The following DNAAF9 variants were observed in gnomAD, a reference collection of about 807,000 sequenced individuals.
DNAAF9 encodes the protein shulin.
DNAAF9 carries 90 observed loss-of-function variants against 167.0 expected under a neutral mutation model. The observed-to-expected ratio is 0.54, with a 90% CI of 0.45 to 0.64. The LOEUF (loss-of-function observed/expected upper bound fraction) is 0.64, where lower values mean the gene tolerates loss of function less well. DNAAF9 is among the 30% of genes least tolerant of loss of function. The pLI, the probability that DNAAF9 is intolerant of heterozygous loss-of-function variation, is 0.00. For missense variants in DNAAF9, 1,315 were observed against 1,442.2 expected (o/e 0.91, Z 1.43); for synonymous variants, 491 against 508.8 (o/e 0.96, Z 0.47).
In DNAAF9 at chr20:3,315,761, A is replaced by G; in HGVS notation, c.1564T>C (p.Ser522Pro). The change falls in exon 19 of 37, where the codon TCT (serine) becomes CCT (proline). Residue 522 changes from serine (S) to proline (P), a missense_variant. Physicochemically the swap from Ser to Pro is moderately conservative, Grantham distance 74 (BLOSUM62 -1). Around this residue, in one of 2 missense-constraint regions of DNAAF9, gnomAD observed 981 missense variants for 1,012.5 expected, o/e 0.97. Transcript: ENST00000252032. This position sits in a 1 kb window ranked among gnomAD's most constrained non-coding sequence, Gnocchi z 4.1. ...WLVEDNEVKL[S>P]EKTQQAVRGD... The stretch of plus-strand genomic sequence containing the variant: ...CTCACTGCTTGCTGGGTTTTCTCAG[A>G]CAATTTTACTTCATTATCTTCCACC... 2 of 1,613,910 alleles carry G rather than the reference A, an allele frequency of 1.2e-6. No individual in the cohort carries two copies. Among genetic ancestry groups the G allele is most frequent in the East Asian group, 2.2e-5 (1 of 44,890 alleles).
chr20:3,389,171 G>A (rs1020572794), intron 1 of DNAAF9, among the ~76,000 whole-genome samples: 3 of 151,844 alleles, frequency 2.0e-5, no homozygotes, highest in Non-Finnish European at 2.9e-5. Context: ...AGGTTTCACA[G>A]GTCTCACTCT....
intron 9 of DNAAF9, 70 bp from the exon 10 acceptor site, chr20:3,340,709 A>G (rs750863987): frequency 9.6e-6 from 14 of 1,452,560 alleles, no homozygotes; most frequent in Middle Eastern, 1.7e-4. Flanking sequence ...CATGACCTTA[A>G]TAAGTCCTCA....
intron 20 of DNAAF9, among the ~76,000 whole-genome samples, chr20:3,307,739 C>CA: frequency 6.6e-6 from 1 of 152,002 alleles, no homozygotes; most frequent in Non-Finnish European, 1.5e-5. Flanking sequence ...CCCTGGAAGT[C>CA]CAACAAAAGA....
intron 31 of DNAAF9, among the ~76,000 whole-genome samples, chr20:3,263,131 C>A (rs1568564259): frequency 6.6e-6 from 1 of 152,082 alleles, no homozygotes; most frequent in African/African-American, 2.4e-5. Flanking sequence ...TCCACCACCA[C>A]ACCTGGCTAA....
intron 22 of DNAAF9, 136 bp downstream of exon 22, chr20:3,297,893 T>G (rs1260977063): frequency 7.2e-6 from 5 of 697,296 alleles, no homozygotes; most frequent in Non-Finnish European, 1.3e-5. Context: ...TTAGAAGCAG[T>G]CACCCCACAC....
intron 31 of DNAAF9, among the ~76,000 whole-genome samples, chr20:3,261,655 C>T (rs1030642069): frequency 2.6e-5 from 4 of 151,862 alleles, no homozygotes; most frequent in Non-Finnish European, 4.4e-5. Flanking sequence ...TGTGAGCCAC[C>T]GCACCTGCCC....
At chr20:3,381,740 G>A (rs2083657192) in intron 2 of DNAAF9, among the ~76,000 whole-genome samples, 1 of 151,712 alleles carries the variant, frequency 6.6e-6, no homozygotes, top group Admixed American at 6.5e-5. Context: ...TATGGAGCCT[G>A]TTAATTTCTG....
At chr20:3,366,536 G>C (rs911869133) in intron 6 of DNAAF9, among the ~76,000 whole-genome samples, 2 of 152,162 alleles carry the variant, frequency 1.3e-5, no homozygotes, top group African/African-American at 4.8e-5. Context: ...TGGTAAATGA[G>C]CACTGGCTTC....
Position 3,304,535 on chromosome 20 carries a change from G to A in DNAAF9, c.1687C>T (p.His563Tyr), listed in dbSNP as rs756005594. 4.8e-6 allele frequency: 7 copies of A among 1,453,308 alleles called. No individual in the cohort carries two copies. The highest frequency in any genetic ancestry group is 1.4e-5 in the African/African-American group (1 of 71,594). 90.0% of individuals were successfully genotyped at this position (1,453,308 alleles called of 1,614,324 possible). Residue 563 changes from histidine to tyrosine, a missense_variant, in exon 21 of 37, where the codon CAT becomes TAT. By Grantham distance (83) the His-to-Tyr change is moderately conservative. Transcript: ENST00000252032. ...LQSWPEEGNV[H>Y]FFSSGLLFSH... ...AACAGAAGGCCACTAGAGAAGAAAT[G>A]AACATTCCCTGGAAGGAAAAGAGAG...
At chr20:3,305,139 C>G (rs1201089487) in intron 20 of DNAAF9, among the ~76,000 whole-genome samples, 1 of 152,180 alleles carries the variant, frequency 6.6e-6, no homozygotes, top group East Asian at 1.9e-4. Flanking sequence ...TTCCTCGGAA[C>G]AAGGATTCAG....
Position 3,307,926 on chromosome 20 carries a change from T to C in DNAAF9, c.1679-3383A>G, listed in dbSNP as rs1255703497. Reference sequence around the variant, plus strand: ...TGATGCAATGGCTAGATGATTTTCATCCTGTGTCTATAAATGTGTGTGAAA... The same window carrying C: ...TGATGCAATGGCTAGATGATTTTCACCCTGTGTCTATAAATGTGTGTGAAA... On this transcript the variant is annotated intron_variant, in intron 20 of 36. Coordinates refer to ENST00000252032, the MANE Select transcript of DNAAF9 (RefSeq NM_001009984.3). 6.8e-5 allele frequency among the ~76,000 whole-genome samples: 10 copies of C among 146,164 alleles called. No homozygotes were observed. In the Admixed American group the frequency reaches 7.0e-4, roughly 10 times the overall value.
At chr20:3,337,436 T>C (rs1346564194) in intron 10 of DNAAF9, among the ~76,000 whole-genome samples, 2 of 114,610 alleles carry the variant, frequency 1.7e-5, no homozygotes, top group East Asian at 2.3e-4. Flanking sequence ...GGTTCTTTTT[T>C]TTTGTTTTTT....
chr20:3,273,761 A>C (rs771617417), intron 29 of DNAAF9, among the ~76,000 whole-genome samples: 1 of 152,216 alleles, frequency 6.6e-6, no homozygotes, highest in African/African-American at 2.4e-5. Flanking sequence ...AATTTATATC[A>C]GAAGTGTTCA....
In DNAAF9 at chr20:3,322,712, A is replaced by G; in HGVS notation, c.1266-16T>C. ...CATCTTGGAGCTGTAGACCAGAAAC[A>G]AAACAAAAGAAAAATCAGTCTGCTC... is the stretch of plus-strand genomic sequence containing the variant. On this transcript the variant is annotated splice_polypyrimidine_tract_variant and intron_variant, in intron 14 of 36. Transcript: ENST00000252032. The G allele has an allele frequency of 2.5e-6, 4 of 1,603,614 alleles. No individual in the cohort carries two copies. Among genetic ancestry groups the G allele is most frequent in the Non-Finnish European group, 3.4e-6 (4 of 1,170,548 alleles).
At chr20:3,255,319 C>G (rs1385429463) in intron 34 of DNAAF9, 35 bp from the exon 35 acceptor site, 2 of 1,404,796 alleles carry the variant, frequency 1.4e-6, no homozygotes, top group East Asian at 2.5e-5. Flanking sequence ...CAGGTCCCAG[C>G]AGAACTCATG....
intron 3 of DNAAF9, among the ~76,000 whole-genome samples, 167 bp downstream of exon 3, chr20:3,381,212 A>G (rs2083647277): frequency 1.3e-5 from 2 of 152,240 alleles, no homozygotes; most frequent in Admixed American, 6.5e-5. Flanking sequence ...GCTACTAAAT[A>G]TATCAGCAAA....
chr20:3,347,656 G>A (rs1326952086), intron 8 of DNAAF9, among the ~76,000 whole-genome samples: 2 of 151,788 alleles, frequency 1.3e-5, no homozygotes, highest in African/African-American at 4.9e-5. Flanking sequence ...AGCCGGATGC[G>A]ATGGCTCACG....
At chr20:3,283,728 C>T (rs916294708) in intron 27 of DNAAF9, among the ~76,000 whole-genome samples, 2 of 152,234 alleles carry the variant, frequency 1.3e-5, no homozygotes, top group African/African-American at 4.8e-5. Flanking sequence ...AACATGTGCT[C>T]ACTCAGATTG....
intron 25 of DNAAF9, among the ~76,000 whole-genome samples, chr20:3,290,610 CT>C (rs887813336): frequency 3.3e-5 from 5 of 152,056 alleles, no homozygotes; most frequent in Non-Finnish European, 7.4e-5. Flanking sequence ...GATATTATGA[CT>C]TTTTTTCCCA....
Sources: gnomAD v4.1 joint callset for allele counts (sites outside exome capture counted in the v4.1 genomes callset) on GRCh38, gnomAD v4.1.1 for gene constraint, gnomAD v4.1.1 regional missense constraint, Gnocchi (gnomAD v3.1) non-coding constraint, MANE v1.5 for transcripts, NCBI Gene and HGNC (gene_info 2026-07-23, HGNC 2026-07-21) for gene names.